ABCA13: variants seen among roughly 807,000 people sequenced by gnomAD.
ABCA13 encodes the protein ATP binding cassette subfamily A member 13.
A neutral mutation model predicts 478.7 loss-of-function variants in ABCA13; 476 were observed. That is an observed-to-expected ratio of 0.99 (90% CI 0.92 to 1.07). ABCA13 has a LOEUF of 1.07. Ranked by LOEUF, ABCA13 falls within the 50% of genes least tolerant of loss-of-function variation. The probability of loss-of-function intolerance (pLI) is 0.00; values close to 1 mark genes in which losing one functional copy is unlikely to be tolerated. For synonymous variants in ABCA13, 2,252 were observed against 2,158.9 expected, an observed-to-expected ratio of 1.04 and a Z score of -1.20; for missense variants, 6,060 against 5,910.6, an observed-to-expected ratio of 1.03 and a Z score of -0.83.
intron 48 of ABCA13, among the ~76,000 whole-genome samples, chr7:48,501,948 A>G (rs1407845932): frequency 6.6e-6 from 1 of 152,184 alleles, no homozygotes; most frequent in Non-Finnish European, 1.5e-5. Flanking sequence ...ACTCCAGGAA[A>G]AGTCACAACA....
In ABCA13 at chr7:48,410,977, C is replaced by CTCTTTCTTTCTTTCTTTCTTTCTT. The variant is rs551665857; in HGVS notation, c.12228+350_12228+373dup. ...ACCTATGTATTCTAGAAATTCTTTT[C>CTCTTTCTTTCTTTCTTTCTTTCTT]TCTTTCTTTCTTTCTTTCTTTCTTT... On this transcript the variant is annotated intron_variant, in intron 40 of 61. Coordinates refer to ENST00000435803, the MANE Select transcript of ABCA13 (RefSeq NM_152701.5). 9.6e-5 allele frequency among the ~76,000 whole-genome samples: 10 copies of CTCTTTCTTTCTTTCTTTCTTTCTT among 104,696 alleles called. 1 individual carries two copies. Among genetic ancestry groups the CTCTTTCTTTCTTTCTTTCTTTCTT allele is most frequent in the East Asian group, 3.0e-4 (1 of 3,290 alleles). The allele number at this position is 104,696 out of a possible 152,430, so 68.7% of individuals were successfully genotyped here.
chr7:48,221,206 AT>A, intron 4 of ABCA13, 74 bp from the exon 5 acceptor site: 1 of 759,652 alleles, frequency 1.3e-6, no homozygotes, highest in Non-Finnish European at 2.2e-6. Flanking sequence ...TGACTTTAGA[AT>A]TAAAAGTAGG....
intron 32 of ABCA13, among the ~76,000 whole-genome samples, chr7:48,369,796 C>T (rs952501024): frequency 6.6e-6 from 1 of 152,060 alleles, no homozygotes; most frequent in African/African-American, 2.4e-5. Flanking sequence ...TGACTATGTC[C>T]TTATAGTATA....
At chr7:48,292,039 A>C (rs1051641568) in intron 20 of ABCA13, among the ~76,000 whole-genome samples, 3 of 152,106 alleles carry the variant, frequency 2.0e-5, no homozygotes, top group African/African-American at 7.2e-5. Flanking sequence ...AGGGAATCTT[A>C]TGCAGATTCA....
chr7:48,185,878 G>A (rs574987520), intron 1 of ABCA13, among the ~76,000 whole-genome samples: 1 of 151,936 alleles, frequency 6.6e-6, no homozygotes, highest in South Asian at 2.1e-4. Context: ...AAATGATTAA[G>A]TATACACGTT....
At chr7:48,555,878 GTTC>G (rs1785774562) in intron 55 of ABCA13, among the ~76,000 whole-genome samples, 1 of 150,856 alleles carries the variant, frequency 6.6e-6, no homozygotes, top group Non-Finnish European at 1.5e-5. Context: ...TGCTTTTCTA[GTTC>G]TTTAATATGA....
intron 8 of ABCA13, 121 bp downstream of exon 8, chr7:48,234,272 T>C (rs7357106): frequency 0.47 from 660,970 of 1,402,270 alleles, 158,796 homozygotes; most frequent in Middle Eastern, 0.6. Context: ...GAGAGTTCGG[T>C]CAAAACCCGA....
chr7:48,534,724 T>C (rs1833456574), intron 55 of ABCA13, among the ~76,000 whole-genome samples: 1 of 152,210 alleles, frequency 6.6e-6, no homozygotes, highest in Admixed American at 6.6e-5. Context: ...TTTCTTTGTC[T>C]TTGATGAATT....
chr7:48,212,779 T>C (rs917386157), intron 3 of ABCA13, among the ~76,000 whole-genome samples: 1 of 152,182 alleles, frequency 6.6e-6, no homozygotes, highest in African/African-American at 2.4e-5. Context: ...TGATTTTTTA[T>C]TTTTGGTTTT....
rs1408040161 is a variant in ABCA13, at chr7:48,580,313, G to A, written c.14444G>A (p.Gly4815Asp). Reference protein sequence around the residue: ...QQDALDELLTGWEHLYYYCSL... With the variant: ...QQDALDELLTDWEHLYYYCSL... ...GATGCCCTGGACGAGCTTCTGACTG[G>A]TTGGGAACATCTCTATTATTACTGT... Residue 4815 changes from glycine (G) to aspartate (D), a missense_variant, in exon 56 of 62, where the codon GGT becomes GAT. Physicochemically the swap from Gly to Asp is moderately conservative, Grantham distance 94. Around this residue, in one of 3 missense-constraint regions of ABCA13, gnomAD observed 1,627 missense variants for 1,571.0 expected, o/e 1.04. Coordinates refer to ENST00000435803, the MANE Select transcript of ABCA13 (RefSeq NM_152701.5). The A allele has an allele frequency of 6.2e-7, 1 of 1,613,002 alleles. No individual in the cohort carries two copies. The highest frequency in any genetic ancestry group is 1.3e-5 in the African/African-American group (1 of 74,912).
At chr7:48,484,052 C>T (rs6968069) in intron 47 of ABCA13, among the ~76,000 whole-genome samples, 20,881 of 152,078 alleles carry the variant, frequency 0.14, 1,837 homozygotes, top group African/African-American at 0.23. Context: ...CAGGAAGGCA[C>T]TCTCTCTCTT....
intron 53 of ABCA13, among the ~76,000 whole-genome samples, chr7:48,523,403 G>T (rs1832686306): frequency 6.6e-6 from 1 of 151,934 alleles, no homozygotes; most frequent in African/African-American, 2.4e-5. Flanking sequence ...TTAATAATCA[G>T]AAGAAGTTGT....
At chr7:48,409,966 C>T (rs1446678936) in intron 39 of ABCA13, among the ~76,000 whole-genome samples, 3 of 150,780 alleles carry the variant, frequency 2.0e-5, no homozygotes, top group East Asian at 1.9e-4. Context: ...TGGTGGCATG[C>T]GCCTGTAGTC....
chr7:48,494,147 C>T (rs889827521), intron 48 of ABCA13, among the ~76,000 whole-genome samples: 21 of 152,078 alleles, frequency 1.4e-4, no homozygotes, highest in African/African-American at 4.8e-4. Context: ...GCTGCAAACC[C>T]CAGGGAGGAA....
chr7:48,260,889 A>G (rs1794078677), intron 15 of ABCA13, among the ~76,000 whole-genome samples: 2 of 151,696 alleles, frequency 1.3e-5, no homozygotes, highest in South Asian at 4.2e-4. Context: ...TCTATGTTTT[A>G]TCTTTCTTGG....
intron 55 of ABCA13, among the ~76,000 whole-genome samples, chr7:48,558,098 A>C (rs1786033698): frequency 6.7e-6 from 1 of 150,040 alleles, no homozygotes; most frequent in South Asian, 2.1e-4. Flanking sequence ...GCTCTGATGC[A>C]TTCTTTAGTA....
chr7:48,585,540 T>G (rs1789097712), intron 56 of ABCA13, among the ~76,000 whole-genome samples: 1 of 152,216 alleles, frequency 6.6e-6, no homozygotes, highest in African/African-American at 2.4e-5. Context: ...TAATTTCTGT[T>G]GAAAGATTTT....
chr7:48,297,390 C>A lies in ABCA13; in HGVS notation c.9199+79C>A, dbSNP rs150446353. 118 of 1,335,366 alleles carry A rather than the reference C, an allele frequency of 8.8e-5. No individual in the cohort carries two copies. In the East Asian group the frequency reaches 2.7e-3, roughly 30 times the overall value. The allele number at this position is 1,335,366 out of a possible 1,614,324, so 82.7% of individuals were successfully genotyped here. ...ATGCAAATATATTATTAAAATAAAA[C>A]ATACAACAGAAAATTTATGCTATAT... On this transcript the variant is annotated intron_variant, in intron 22 of 61. Coordinates refer to ENST00000435803, the MANE Select transcript of ABCA13 (RefSeq NM_152701.5).
rs1457678444 is a variant in ABCA13, at chr7:48,341,913, A to ATATCTTT, written c.10204+3458_10204+3459insTATCTTT. ...ATATATATCTTTCTGATATATATAT[A>ATATCTTT]CTCATATATATATACTCATATATAT... On this transcript the variant is annotated intron_variant, in intron 29 of 61. Transcript: ENST00000435803. 9.7e-4 allele frequency among the ~76,000 whole-genome samples: 89 copies of ATATCTTT among 91,944 alleles called. 4 individuals are homozygous for ATATCTTT. The South Asian group carries it at 0.031, about 32-fold the overall frequency. The allele number at this position is 91,944 out of a possible 152,430, so 60.3% of individuals were successfully genotyped here. A position where few individuals can be genotyped will look rare whatever the true frequency, so the allele number is the denominator to read the frequency against.
Sources: allele counts gnomAD v4.1 joint callset (sites outside exome capture counted in the v4.1 genomes callset), GRCh38; gene constraint gnomAD v4.1.1; regional missense constraint gnomAD v4.1.1; transcripts MANE v1.5; gene names NCBI Gene and HGNC (gene_info 2026-07-23, HGNC 2026-07-21).